Variants in SLC4A7 observed in about 807,000 individuals in gnomAD.
The protein encoded by SLC4A7 is solute carrier family 4 member 7, also known as sodium bicarbonate cotransporter 3.
Under a neutral mutation model 137.6 loss-of-function variants are expected in SLC4A7, and 51 were observed. The observed-to-expected ratio is 0.37, with a 90% CI of 0.30 to 0.47. The LOEUF (loss-of-function observed/expected upper bound fraction) is 0.47. SLC4A7 is among the 20% of genes least tolerant of loss of function. The pLI is 1.00. For synonymous variants in SLC4A7, 542 were observed against 518.6 expected (o/e 1.05, Z -0.61); for missense variants, 1,247 against 1,525.4 (o/e 0.82, Z 3.04).
intron 1 of SLC4A7, among the ~76,000 whole-genome samples, chr3:27,480,606 G>A (rs559123265): frequency 3.7e-4 from 56 of 152,108 alleles, no homozygotes; most frequent in Admixed American, 3.1e-3. Flanking sequence ...CTTAGAATAA[G>A]GCAAAAGGGT....
chr3:27,430,137 A>G (rs981104919), intron 7 of SLC4A7, among the ~76,000 whole-genome samples: 1 of 152,004 alleles, frequency 6.6e-6, no homozygotes, highest in Non-Finnish European at 1.5e-5. Flanking sequence ...TGATCCCAGG[A>G]GTTCAAGGCT....
intron 1 of SLC4A7, among the ~76,000 whole-genome samples, chr3:27,459,014 A>T (rs970750890): frequency 2.6e-5 from 4 of 151,412 alleles, no homozygotes; most frequent in African/African-American, 9.7e-5. Flanking sequence ...AAATTAAATT[A>T]AAAAAAATTC....
chr3:27,439,656 C>A (rs536570234), intron 3 of SLC4A7, among the ~76,000 whole-genome samples: 2 of 152,316 alleles, frequency 1.3e-5, no homozygotes, highest in South Asian at 4.1e-4. Flanking sequence ...CCTACATGAT[C>A]CTGTATCTGC....
At chr3:27,400,167 AT>A (rs2052605464) in intron 16 of SLC4A7, among the ~76,000 whole-genome samples, 1 of 152,218 alleles carries the variant, frequency 6.6e-6, no homozygotes, top group South Asian at 2.1e-4. Flanking sequence ...ATATTCTAGG[AT>A]TAGGACAATA....
chr3:27,390,069 A>G lies in SLC4A7; in HGVS notation c.3222T>C (p.Ala1074=). Residue 1074 remains alanine (A), a synonymous_variant, in exon 22 of 26, where the codon GCT becomes GCC. Coordinates refer to ENST00000454389, the MANE Select transcript of SLC4A7 (RefSeq NM_001321103.2). ...GGTATATCAAATCAGGCTGATGCTT[A>G]GCAGGCATTCCAAATAATTTTATAC... ...FDRIKLFGMP[A]KHQPDLIYLR... is the part of the protein sequence containing the mutation. 1 of 1,609,294 alleles carries G rather than the reference A, an allele frequency of 6.2e-7. No homozygotes were observed. The highest frequency in any genetic ancestry group is 8.5e-7 in the Non-Finnish European group (1 of 1,176,738).
intron 13 of SLC4A7, among the ~76,000 whole-genome samples, chr3:27,407,434 C>T (rs569019014): frequency 1.4e-4 from 21 of 150,496 alleles, no homozygotes; most frequent in South Asian, 8.5e-4. Flanking sequence ...GAGCTGAGAT[C>T]GCGCCACTGC....
intron 2 of SLC4A7, 36 bp from the exon 3 acceptor site, chr3:27,448,833 CAA>C (rs2057864438): frequency 6.6e-7 from 1 of 1,503,910 alleles, no homozygotes; most frequent in African/African-American, 1.4e-5. Flanking sequence ...ACTAGCTTTC[CAA>C]AAGAGAAAAA....
In SLC4A7 at chr3:27,448,768, C is replaced by T. The variant is rs770371932; in HGVS notation, c.172G>A (p.Val58Ile). The T allele has an allele frequency of 4.1e-5, 66 of 1,612,586 alleles. No individual in the cohort carries two copies. The South Asian group carries it at 5.8e-4, about 14-fold the overall frequency. Residue 58 changes from valine (V) to isoleucine (I), a missense_variant, in exon 3 of 26, where the codon GTC becomes ATC. Val to Ile is a conservative substitution (Grantham distance 29). Coordinates refer to ENST00000454389, the MANE Select transcript of SLC4A7 (RefSeq NM_001321103.2). ...CGACGACTCTCTTTACTAAACGGGACGTGAACACCAATATATACAGCTCTA... is the reference window on the plus strand; with the variant it reads ...CGACGACTCTCTTTACTAAACGGGATGTGAACACCAATATATACAGCTCTA... Reference protein sequence around the residue: ...SHRAVYIGVHVPFSKESRRRH... With the variant: ...SHRAVYIGVHIPFSKESRRRH...
At chr3:27,429,388 A>G (rs1056081233) in intron 7 of SLC4A7, among the ~76,000 whole-genome samples, 1 of 152,216 alleles carries the variant, frequency 6.6e-6, no homozygotes, top group Admixed American at 6.5e-5. Flanking sequence ...ATTTCAAGGT[A>G]AATTTGGATT....
In SLC4A7 at chr3:27,395,032, A is replaced by C; in HGVS notation, c.2787T>G (p.Ala929=). 6.2e-7 allele frequency: 1 copy of C among 1,612,762 alleles called. No individual in the cohort carries two copies. Among genetic ancestry groups the C allele is most frequent in the Non-Finnish European group, 8.5e-7 (1 of 1,179,310 alleles). The part of the protein sequence containing the change: ...WWTLLIAAIP[A]LLCTILIFMD... ...TAAAGATGAGAATGGTACAAAGCAA[A>C]GCAGGAATAGCAGCTATTAATAAGG... Residue 929 remains alanine, a synonymous_variant, in exon 19 of 26, where the codon GCT becomes GCG. Transcript: ENST00000454389.
chr3:27,457,006 C>CT (rs2058450370), intron 1 of SLC4A7: 1 of 817,304 alleles, frequency 1.2e-6, no homozygotes. Flanking sequence ...AGTGCATACT[C>CT]TAAGAATATA....
rs1432705296 is a variant in SLC4A7, at chr3:27,467,122, A to G, written c.61-14624T>C. 2.0e-5 allele frequency among the ~76,000 whole-genome samples: 3 copies of G among 152,184 alleles called. No homozygotes were observed. The South Asian group carries it at 6.2e-4, about 31-fold the overall frequency. Reference sequence around the variant, plus strand: ...AGTTTTCCCAAGGTCCCATTGCTTCAGCTTGGATAAGATATAATTTAAAAT... The same window carrying G: ...AGTTTTCCCAAGGTCCCATTGCTTCGGCTTGGATAAGATATAATTTAAAAT... On this transcript the variant is annotated intron_variant, in intron 1 of 25. Coordinates refer to ENST00000454389, the MANE Select transcript of SLC4A7 (RefSeq NM_001321103.2).
Position 27,394,644 on chromosome 3 carries a change from T to A in SLC4A7, c.2991A>T (p.Lys997Asn). ...VLSISHVNSL[K>N]VESECSAPGE... is the part of the protein sequence containing the mutation. Reference sequence around the variant, plus strand: ...CTGGAGCAGAACATTCAGATTCAACTTTTAAGCTGTTGACATGACTTATTG... The same window carrying A: ...CTGGAGCAGAACATTCAGATTCAACATTTAAGCTGTTGACATGACTTATTG... The change falls in exon 20 of 26, where the codon AAA (lysine) becomes AAT (asparagine). Residue 997 changes from lysine (K) to asparagine (N), a missense_variant. Lys to Asn is a moderately conservative substitution (Grantham distance 94, BLOSUM62 0). Transcript: ENST00000454389. The A allele has an allele frequency of 1.2e-6, 2 of 1,614,196 alleles. No individual in the cohort carries two copies. The highest frequency in any genetic ancestry group is 1.7e-6 in the Non-Finnish European group (2 of 1,180,026).
chr3:27,430,249 C>T (rs1464380600), intron 7 of SLC4A7, among the ~76,000 whole-genome samples: 1 of 151,768 alleles, frequency 6.6e-6, no homozygotes, highest in East Asian at 1.9e-4. Flanking sequence ...AGGCACATCA[C>T]TTCACTATAA....
At chr3:27,403,581 TTTA>T (rs1174622733) in intron 14 of SLC4A7, among the ~76,000 whole-genome samples, 197 bp from the exon 15 acceptor site, 7 of 151,258 alleles carry the variant, frequency 4.6e-5, no homozygotes, top group Admixed American at 1.3e-4. Flanking sequence ...TATTAGTAGA[TTTA>T]TTATTAATAA....
chr3:27,457,171 A>G (rs2058458467), intron 1 of SLC4A7, among the ~76,000 whole-genome samples: 1 of 152,146 alleles, frequency 6.6e-6, no homozygotes, highest in Admixed American at 6.5e-5. Context: ...TGAAGACCGA[A>G]AAGGACCTTG....
chr3:27,381,389 C>T (rs949858487), intron 24 of SLC4A7, among the ~76,000 whole-genome samples: 3 of 152,128 alleles, frequency 2.0e-5, no homozygotes, highest in Admixed American at 6.5e-5. Flanking sequence ...TTTAGAAGTA[C>T]ATCAATGAAG....
chr3:27,390,151 G>C, intron 21 of SLC4A7, 47 bp from the exon 22 acceptor site: 1 of 1,158,094 alleles, frequency 8.6e-7, no homozygotes, highest in Non-Finnish European at 1.3e-6. Flanking sequence ...AAATATTTCT[G>C]CTATTTAGGA....
At chr3:27,416,610 T>C (rs1450933094) in intron 11 of SLC4A7, among the ~76,000 whole-genome samples, 1 of 152,234 alleles carries the variant, frequency 6.6e-6, no homozygotes, top group African/African-American at 2.4e-5. Flanking sequence ...AACTTTCCAA[T>C]GTTTATTGAA....
Sources: gnomAD v4.1 joint callset for allele counts (sites outside exome capture counted in the v4.1 genomes callset) on GRCh38, gnomAD v4.1.1 for gene constraint, MANE v1.5 for transcripts, NCBI Gene and HGNC (gene_info 2026-07-23, HGNC 2026-07-21) for gene names.